The following GALNT18 variants were observed in gnomAD, a reference collection of about 807,000 sequenced individuals.
GALNT18 encodes the protein polypeptide N-acetylgalactosaminyltransferase 18, also known as GalNAc-transferase 18.
Under a neutral mutation model 69.5 loss-of-function variants are expected in GALNT18, and 44 were observed. That is an observed-to-expected ratio of 0.63 (90% CI 0.50 to 0.81). The LOEUF (loss-of-function observed/expected upper bound fraction) is 0.81. Among genes scored for constraint, GALNT18 ranks in the 40% least tolerant of loss-of-function variants. The pLI is 0.00. For synonymous variants in GALNT18, 364 were observed against 318.2 expected, an observed-to-expected ratio of 1.14 and a Z score of -1.53; for missense variants, 715 against 810.0, an observed-to-expected ratio of 0.88 and a Z score of 1.42.
intron 6 of GALNT18, chr11:11,352,742 CTG>C: frequency 6.2e-7 from 1 of 1,614,150 alleles, no homozygotes; most frequent in South Asian, 1.1e-5. Flanking sequence ...CTGTTAACGT[CTG>C]GTACAATTGC....
At chr11:11,556,062 C>A (rs1176072089) in intron 1 of GALNT18, among the ~76,000 whole-genome samples, 3 of 152,126 alleles carry the variant, frequency 2.0e-5, no homozygotes, top group South Asian at 2.1e-4. Flanking sequence ...ACTGGTGGGA[C>A]CTTGTATAAA....
At position 11,320,987 on chromosome 11, in the gene GALNT18, A is replaced by T. The variant is rs1003596079; in HGVS notation, c.1512+6099T>A. 2.0e-5 allele frequency among the ~76,000 whole-genome samples: 3 copies of T among 152,216 alleles called. No homozygotes were observed. Among genetic ancestry groups the T allele is most frequent in the African/African-American group, 7.2e-5 (3 of 41,464 alleles). The stretch of plus-strand genomic sequence containing the variant: ...AGGGCTCCCTGTACAGCCCAGCTGC[A>T]TGAGTGTTCTGTGGCTTTGGGGGAT... On this transcript the variant is annotated intron_variant, in intron 9 of 10. Coordinates refer to ENST00000227756, the MANE Select transcript of GALNT18 (RefSeq NM_198516.3). This position sits in a 1 kb window ranked among gnomAD's most constrained non-coding sequence, Gnocchi z 4.9.
intron 3 of GALNT18, among the ~76,000 whole-genome samples, chr11:11,408,168 C>A (rs901417608): frequency 9.9e-5 from 15 of 152,084 alleles, no homozygotes; most frequent in African/African-American, 3.6e-4. Context: ...GAGTTTGAAC[C>A]AGCCTGGTCA....
rs962795321 is a variant in GALNT18 at position 11,383,325 on chromosome 11, C to T, written c.596-4061G>A. 6.6e-6 allele frequency among the ~76,000 whole-genome samples: 1 copy of T among 152,252 alleles called. No homozygotes were observed. Among genetic ancestry groups the T allele is most frequent in the African/African-American group, 2.4e-5 (1 of 41,470 alleles). On this transcript the variant is annotated intron_variant, in intron 3 of 10. Coordinates refer to ENST00000227756, the MANE Select transcript of GALNT18 (RefSeq NM_198516.3). The surrounding 1 kb of genome is among the most constrained non-coding windows in gnomAD (Gnocchi z 5.2). ...CTTCTATAAGAAGTTGTTGGCTCCA[C>T]AACCACTAGCAGGCTGAGCCGGAAG...
chr11:11,343,084 A>G (rs1486585263), intron 6 of GALNT18, among the ~76,000 whole-genome samples: 2 of 152,154 alleles, frequency 1.3e-5, no homozygotes, highest in African/African-American at 2.4e-5. Context: ...TGGCTCACGC[A>G]TGTAATCCCA....
chr11:11,400,051 G>A (rs1316819299), intron 3 of GALNT18, among the ~76,000 whole-genome samples: 4 of 152,220 alleles, frequency 2.6e-5, no homozygotes, highest in Non-Finnish European at 5.9e-5. Context: ...TATGGCAGCA[G>A]TGGAAGTGAT....
At chr11:11,350,195 A>G (rs749806979) in intron 6 of GALNT18, among the ~76,000 whole-genome samples, 1 of 152,206 alleles carries the variant, frequency 6.6e-6, no homozygotes, top group Non-Finnish European at 1.5e-5. Flanking sequence ...CCCACAGGAA[A>G]CCCAGGGTCA....
In GALNT18 at chr11:11,444,293, A is replaced by G. The variant is rs1256958676; in HGVS notation, c.428+4451T>C. Among the ~76,000 whole-genome samples the G allele has an allele frequency of 6.6e-6, 1 of 152,166 alleles. No individual in the cohort carries two copies. The highest frequency in any genetic ancestry group is 1.9e-4 in the East Asian group (1 of 5,178). ...CCTGCCACAGAGGCACCAGAGGGACAGTGCTTCTGTGACCATCACATCCAG... is the reference window on the plus strand; with the variant it reads ...CCTGCCACAGAGGCACCAGAGGGACGGTGCTTCTGTGACCATCACATCCAG... On this transcript the variant is annotated intron_variant, in intron 2 of 10. Coordinates refer to ENST00000227756, the MANE Select transcript of GALNT18 (RefSeq NM_198516.3). The surrounding 1 kb of genome is among the most constrained non-coding windows in gnomAD (Gnocchi z 4.4).
rs1162920286 is a variant in GALNT18 at position 11,377,704 on chromosome 11, A to C, written c.780-325T>G. 6.6e-6 allele frequency among the ~76,000 whole-genome samples: 1 copy of C among 152,192 alleles called. No homozygotes were observed. The highest frequency in any genetic ancestry group is 2.4e-5 in the African/African-American group (1 of 41,450). ...AAAATCAAGACTCAAAAAAGAAGAA[A>C]AAGAAGAAAGAAACAGATCTGAGGC... On this transcript the variant is annotated intron_variant, in intron 4 of 10. Coordinates refer to ENST00000227756, the MANE Select transcript of GALNT18 (RefSeq NM_198516.3). This position sits in a 1 kb window ranked among gnomAD's most constrained non-coding sequence, Gnocchi z 4.6.
At chr11:11,544,721 G>T (rs571474149) in intron 1 of GALNT18, among the ~76,000 whole-genome samples, 1 of 152,128 alleles carries the variant, frequency 6.6e-6, no homozygotes, top group East Asian at 1.9e-4. Flanking sequence ...CTTGAACTTG[G>T]GTGTGCCTGC....
At chr11:11,514,782 C>T (rs1857238297) in intron 1 of GALNT18, among the ~76,000 whole-genome samples, 1 of 152,260 alleles carries the variant, frequency 6.6e-6, no homozygotes, top group East Asian at 1.9e-4. Flanking sequence ...GCAGCAGAGG[C>T]AGGAGCAACC....
intron 9 of GALNT18, among the ~76,000 whole-genome samples, chr11:11,325,877 G>A (rs1200810736): frequency 6.6e-6 from 1 of 152,016 alleles, no homozygotes; most frequent in African/African-American, 2.4e-5. Context: ...AGGACAAGAT[G>A]GTAGAGGTCG....
At chr11:11,554,772 C>T (rs1229788597) in intron 1 of GALNT18, among the ~76,000 whole-genome samples, 1 of 152,158 alleles carries the variant, frequency 6.6e-6, no homozygotes, top group African/African-American at 2.4e-5. Flanking sequence ...TCACACACAG[C>T]CAGCTCTCCC....
intron 9 of GALNT18, among the ~76,000 whole-genome samples, chr11:11,306,272 C>T (rs1849578579): frequency 6.6e-6 from 1 of 152,012 alleles, no homozygotes; most frequent in African/African-American, 2.4e-5. Context: ...CGAGTATGCA[C>T]AGATAACATA....
chr11:11,586,486 C>T lies in GALNT18; in HGVS notation c.235+34873G>A, dbSNP rs960316059. On this transcript the variant is annotated intron_variant, in intron 1 of 10. Transcript: ENST00000227756. The surrounding 1 kb of genome is among the most constrained non-coding windows in gnomAD (Gnocchi z 4.1). ...TAAAAGATAGGAAATTCTACCTGTTCAGGGCCCAGCATCCATAACTAGCCC... is the reference window on the plus strand; with the variant it reads ...TAAAAGATAGGAAATTCTACCTGTTTAGGGCCCAGCATCCATAACTAGCCC... 6.6e-6 allele frequency among the ~76,000 whole-genome samples: 1 copy of T among 152,110 alleles called. No homozygotes were observed. The highest frequency in any genetic ancestry group is 1.9e-4 in the East Asian group (1 of 5,180).
chr11:11,620,551 TGA>T lies in GALNT18; in HGVS notation c.235+806_235+807del, dbSNP rs1454002786. 6.6e-6 allele frequency among the ~76,000 whole-genome samples: 1 copy of T among 152,010 alleles called. No individual in the cohort carries two copies. Among genetic ancestry groups the T allele is most frequent in the Non-Finnish European group, 1.5e-5 (1 of 67,996 alleles). On this transcript the variant is annotated intron_variant, in intron 1 of 10. Transcript: ENST00000227756. The surrounding 1 kb of genome is among the most constrained non-coding windows in gnomAD (Gnocchi z 6.9). ...CTCAGCCCCGGCTGCTCCCAGGGCC[TGA>T]GAGTGGAGCTACAGTAGGGATCGGC...
In GALNT18 at chr11:11,372,704, T is replaced by G. The variant is rs985778127; in HGVS notation, c.978-75A>C. Reference sequence around the variant, plus strand: ...GAGTAAGAGCAGTAAGGCCTTCCTATCAGGAGGGTCTGGTTCTCTTCCTTC... The same window carrying G: ...GAGTAAGAGCAGTAAGGCCTTCCTAGCAGGAGGGTCTGGTTCTCTTCCTTC... On this transcript the variant is annotated intron_variant, in intron 5 of 10. Coordinates refer to ENST00000227756, the MANE Select transcript of GALNT18 (RefSeq NM_198516.3). The surrounding 1 kb of genome is among the most constrained non-coding windows in gnomAD (Gnocchi z 4.9). 4 of 1,108,218 alleles carry G rather than the reference T, an allele frequency of 3.6e-6. No homozygotes were observed. Among genetic ancestry groups the G allele is most frequent in the Non-Finnish European group, 5.4e-6 (4 of 738,816 alleles). The allele number at this position is 1,108,218 out of a possible 1,614,324, so 68.6% of individuals were successfully genotyped here.
At chr11:11,425,842 G>A (rs1331201286) in intron 3 of GALNT18, among the ~76,000 whole-genome samples, 1 of 152,208 alleles carries the variant, frequency 6.6e-6, no homozygotes, top group Admixed American at 6.5e-5. Flanking sequence ...CTGAAAGAAC[G>A]AAGCAATGAA....
chr11:11,350,785 G>A (rs568716642), intron 6 of GALNT18, among the ~76,000 whole-genome samples: 1 of 152,258 alleles, frequency 6.6e-6, no homozygotes, highest in South Asian at 2.1e-4. Context: ...GGGTGAACTT[G>A]AAGTTCAAAG....
Sources: allele counts gnomAD v4.1 joint callset (sites outside exome capture counted in the v4.1 genomes callset), GRCh38; gene constraint gnomAD v4.1.1; non-coding constraint Gnocchi (gnomAD v3.1); transcripts MANE v1.5; gene names NCBI Gene and HGNC (gene_info 2026-07-23, HGNC 2026-07-21).